The following FER variants were observed in gnomAD, a reference collection of about 807,000 sequenced individuals.
FER encodes tyrosine-protein kinase Fer.
Under a neutral mutation model 111.0 loss-of-function variants are expected in FER, and 63 were observed. The observed-to-expected ratio is 0.57, with a 90% CI of 0.46 to 0.70. The LOEUF (loss-of-function observed/expected upper bound fraction) is 0.70. FER is among the 30% of genes least tolerant of loss of function. The probability of loss-of-function intolerance (pLI) is 0.00; values close to 1 mark genes in which losing one functional copy is unlikely to be tolerated. For missense variants in FER, 914 were observed against 954.0 expected, an observed-to-expected ratio of 0.96 and a Z score of 0.55; for synonymous variants, 327 against 313.9, an observed-to-expected ratio of 1.04 and a Z score of -0.44.
chr5:109,151,099 G>T (rs1754790772), intron 17 of FER, among the ~76,000 whole-genome samples: 1 of 152,096 alleles, frequency 6.6e-6, no homozygotes. Flanking sequence ...GAAAATTGTT[G>T]TAATTCGCTG....
intron 17 of FER, among the ~76,000 whole-genome samples, chr5:109,140,758 T>G (rs1377753592): frequency 6.6e-6 from 1 of 152,186 alleles, no homozygotes; most frequent in African/African-American, 2.4e-5. Context: ...TTTCATAGTC[T>G]GAGCCATCTG....
At chr5:108,945,808 T>C (rs1191529217) in intron 10 of FER, among the ~76,000 whole-genome samples, 1 of 152,098 alleles carries the variant, frequency 6.6e-6, no homozygotes, top group Non-Finnish European at 1.5e-5. Flanking sequence ...CTTTTTTGCA[T>C]GTGTTAATAC....
chr5:108,756,656 A>G (rs1226940411), intron 1 of FER, among the ~76,000 whole-genome samples: 1 of 152,062 alleles, frequency 6.6e-6, no homozygotes, highest in African/African-American at 2.4e-5. Context: ...AATTAATGAT[A>G]GATCAGTATT....
At chr5:109,051,997 G>A in intron 16 of FER, 1 of 1,585,280 alleles carries the variant, frequency 6.3e-7, no homozygotes, top group Admixed American at 1.7e-5. Flanking sequence ...GATGATGTAG[G>A]TTCGCAGCAA....
chr5:109,103,360 C>T (rs1178589243), intron 17 of FER, among the ~76,000 whole-genome samples: 1 of 152,012 alleles, frequency 6.6e-6, no homozygotes, highest in Non-Finnish European at 1.5e-5. Flanking sequence ...GTGTTTTTAA[C>T]TTTTAAGGAC....
At chr5:109,110,078 G>A (rs773320002) in intron 17 of FER, among the ~76,000 whole-genome samples, 14 of 152,176 alleles carry the variant, frequency 9.2e-5, no homozygotes, top group South Asian at 2.1e-4. Context: ...TCCATAGTCT[G>A]CTACTTCACT....
intron 10 of FER, among the ~76,000 whole-genome samples, chr5:108,915,800 A>AG (rs1446159148): frequency 6.6e-6 from 1 of 152,180 alleles, no homozygotes; most frequent in South Asian, 2.1e-4. Flanking sequence ...GGAAGATGAA[A>AG]GGTAAAGAAC....
chr5:108,980,809 A>G (rs1045372730), intron 13 of FER, among the ~76,000 whole-genome samples: 1 of 152,136 alleles, frequency 6.6e-6, no homozygotes, highest in African/African-American at 2.4e-5. Context: ...TGACCCTATT[A>G]CTGAATTATT....
intron 2 of FER, among the ~76,000 whole-genome samples, chr5:108,790,651 C>G (rs866804029): frequency 7.2e-5 from 11 of 152,034 alleles, no homozygotes; most frequent in African/African-American, 2.4e-4. Context: ...TTTTAAACAG[C>G]TTTTTTGAAC....
At chr5:109,158,902 A>C (rs1248234732) in intron 17 of FER, among the ~76,000 whole-genome samples, 1 of 152,218 alleles carries the variant, frequency 6.6e-6, no homozygotes, top group Non-Finnish European at 1.5e-5. Flanking sequence ...TAGTATGTTC[A>C]TGAATACCAA....
intron 10 of FER, among the ~76,000 whole-genome samples, chr5:108,939,222 T>C (rs1755926723): frequency 6.6e-6 from 1 of 152,018 alleles, no homozygotes. Flanking sequence ...TAATCTACAT[T>C]AATATATATC....
At chr5:108,904,248 C>T (rs891843480) in intron 10 of FER, among the ~76,000 whole-genome samples, 3 of 152,000 alleles carry the variant, frequency 2.0e-5, no homozygotes, top group Non-Finnish European at 2.9e-5. Flanking sequence ...CATAGTATGT[C>T]ACATGGTGGT....
At chr5:108,879,701 A>AAAAAATATATATATATAT in intron 8 of FER, among the ~76,000 whole-genome samples, 12 of 99,126 alleles carry the variant, frequency 1.2e-4, no homozygotes, top group Non-Finnish European at 2.0e-4. Context: ...ATTAAAAAAA[A>AAAAAATATATATATATAT]ATATATATAT....
At chr5:109,067,941 G>A (rs1476974397) in intron 16 of FER, among the ~76,000 whole-genome samples, 1 of 152,054 alleles carries the variant, frequency 6.6e-6, no homozygotes, top group Non-Finnish European at 1.5e-5. Flanking sequence ...TAGGAGATGA[G>A]TTTACAAATA....
At chr5:108,987,183 C>T (rs770682023) in intron 13 of FER, among the ~76,000 whole-genome samples, 79 of 152,166 alleles carry the variant, frequency 5.2e-4, no homozygotes, top group Non-Finnish European at 9.4e-4. Flanking sequence ...CAATGGCTCA[C>T]ACCTGTAATC....
At chr5:108,921,263 G>C (rs1013677865) in intron 10 of FER, among the ~76,000 whole-genome samples, 2 of 152,056 alleles carry the variant, frequency 1.3e-5, no homozygotes, top group Non-Finnish European at 2.9e-5. Context: ...TCTGTGGTAG[G>C]TTAGTTCTAA....
At chr5:108,796,900 A>G (rs991675932) in intron 2 of FER, among the ~76,000 whole-genome samples, 7 of 151,826 alleles carry the variant, frequency 4.6e-5, no homozygotes, top group Non-Finnish European at 7.4e-5. Context: ...GTGTAAGACA[A>G]AGTCCCCTTA....
chr5:108,975,992 G>A (rs1034201677), intron 13 of FER, among the ~76,000 whole-genome samples: 1 of 152,168 alleles, frequency 6.6e-6, no homozygotes, highest in African/African-American at 2.4e-5. Context: ...CCTGTAGGCC[G>A]ATGGATATGT....
At chr5:108,807,951 T>C (rs1298518644) in intron 3 of FER, among the ~76,000 whole-genome samples, 14 of 152,170 alleles carry the variant, frequency 9.2e-5, no homozygotes, top group Non-Finnish European at 1.9e-4. Flanking sequence ...TGTTGACTTC[T>C]GCTTTTATTT....
Sources: allele counts gnomAD v4.1 joint callset (sites outside exome capture counted in the v4.1 genomes callset), GRCh38; gene constraint gnomAD v4.1.1; transcripts MANE v1.5; gene names NCBI Gene and HGNC (gene_info 2026-07-23, HGNC 2026-07-21).